Variants in HACE1 observed in about 807,000 individuals in gnomAD.
HACE1 encodes the protein E3 ubiquitin-protein ligase HACE1.
In HACE1, 73 loss-of-function variants were observed where a neutral mutation model predicts 118.4. That is an observed-to-expected ratio of 0.62 (90% CI 0.51 to 0.75). The LOEUF (loss-of-function observed/expected upper bound fraction) is 0.75. Among genes scored for constraint, HACE1 ranks in the 30% least tolerant of loss-of-function variants. The pLI is 0.00. For synonymous variants in HACE1, 368 were observed against 374.8 expected, an observed-to-expected ratio of 0.98 and a Z score of 0.21; for missense variants, 749 against 1,102.2, an observed-to-expected ratio of 0.68 and a Z score of 4.54.
intron 14 of HACE1, among the ~76,000 whole-genome samples, chr6:104,777,536 A>T (rs1319145922): frequency 1.3e-5 from 2 of 152,182 alleles, no homozygotes; most frequent in African/African-American, 2.4e-5. Context: ...GTATTTTTTT[A>T]AATTCCTACA....
At chr6:104,847,570 C>G (rs1173939337) in intron 4 of HACE1, among the ~76,000 whole-genome samples, 1 of 152,168 alleles carries the variant, frequency 6.6e-6, no homozygotes, top group Non-Finnish European at 1.5e-5. Flanking sequence ...ATGCCCTTCC[C>G]CTGTCCAACC....
chr6:104,790,880 T>G (rs1782957388), intron 11 of HACE1, among the ~76,000 whole-genome samples: 1 of 151,848 alleles, frequency 6.6e-6, no homozygotes, highest in South Asian at 2.1e-4. Context: ...CTATTCATTT[T>G]GTTTACTTCA....
chr6:104,820,405 A>T (rs1324062972), intron 6 of HACE1, among the ~76,000 whole-genome samples: 1 of 152,118 alleles, frequency 6.6e-6, no homozygotes, highest in Non-Finnish European at 1.5e-5. Context: ...TGAACAGAAA[A>T]CCTACAGAAC....
chr6:104,790,160 T>G (rs1392281546), intron 11 of HACE1, among the ~76,000 whole-genome samples: 1 of 152,116 alleles, frequency 6.6e-6, no homozygotes, highest in Non-Finnish European at 1.5e-5. Flanking sequence ...ACTGATTTTT[T>G]TAAAGAGAGT....
intron 1 of HACE1, chr6:104,859,270 T>C (rs1777060632): frequency 5.2e-6 from 2 of 386,350 alleles, no homozygotes; most frequent in East Asian, 5.3e-5. Context: ...CGGCTGGTAT[T>C]CCTGCCCCTT....
intron 4 of HACE1, among the ~76,000 whole-genome samples, chr6:104,844,124 G>A (rs1352518755): frequency 5.0e-5 from 7 of 139,574 alleles, no homozygotes; most frequent in Non-Finnish European, 1.1e-4. Context: ...TGCAACCTCC[G>A]CCTCCCAGGT....
chr6:104,783,686 A>C (rs1168021876), intron 14 of HACE1, among the ~76,000 whole-genome samples: 1 of 152,230 alleles, frequency 6.6e-6, no homozygotes, highest in Non-Finnish European at 1.5e-5. Flanking sequence ...TAACAAAGCT[A>C]AATCACTATT....
At chr6:104,791,784 C>A (rs886673552) in intron 10 of HACE1, 130 bp from the exon 11 acceptor site, 2 of 647,448 alleles carry the variant, frequency 3.1e-6, no homozygotes, top group Non-Finnish European at 2.7e-6. Flanking sequence ...AATTCCTTTC[C>A]TATCATGATA....
chr6:104,762,615 G>T (rs933135188), intron 19 of HACE1, among the ~76,000 whole-genome samples: 6 of 152,044 alleles, frequency 3.9e-5, no homozygotes, highest in Non-Finnish European at 8.8e-5. Context: ...GGTTTCATGG[G>T]TGCCACAAAC....
At chr6:104,804,768 T>C (rs746382977) in intron 7 of HACE1, among the ~76,000 whole-genome samples, 1 of 152,132 alleles carries the variant, frequency 6.6e-6, no homozygotes, top group African/African-American at 2.4e-5. Flanking sequence ...GAAGAAAACC[T>C]AGGCAGTACC....
chr6:104,780,368 T>C (rs1398141915), intron 14 of HACE1: 2 of 452,462 alleles, frequency 4.4e-6, no homozygotes, highest in Admixed American at 4.9e-5. Flanking sequence ...TTTCCATAAA[T>C]AATTCACAAA....
intron 6 of HACE1, among the ~76,000 whole-genome samples, chr6:104,823,759 A>T (rs1351152346): frequency 7.2e-6 from 1 of 139,844 alleles, no homozygotes; most frequent in African/African-American, 2.8e-5. Context: ...TTTGTGAATT[A>T]AAAAAAAAAA....
intron 20 of HACE1, among the ~76,000 whole-genome samples, chr6:104,745,120 T>C (rs916979265): frequency 9.2e-5 from 14 of 152,152 alleles, no homozygotes; most frequent in Admixed American, 9.2e-4. Flanking sequence ...TAAAAAAGAT[T>C]TAGGCCTTTT....
At chr6:104,803,634 T>G (rs945650005) in intron 7 of HACE1, among the ~76,000 whole-genome samples, 1 of 152,208 alleles carries the variant, frequency 6.6e-6, no homozygotes, top group African/African-American at 2.4e-5. Flanking sequence ...TCTCAATAGA[T>G]GCAGAAAAGG....
intron 6 of HACE1, among the ~76,000 whole-genome samples, chr6:104,818,399 G>T (rs1241241543): frequency 6.6e-6 from 1 of 151,940 alleles, no homozygotes; most frequent in Non-Finnish European, 1.5e-5. Context: ...CAGAAAATAA[G>T]CCTGCCAACC....
intron 5 of HACE1, among the ~76,000 whole-genome samples, chr6:104,842,760 T>C (rs189733002): frequency 6.6e-6 from 1 of 152,170 alleles, no homozygotes; most frequent in African/African-American, 2.4e-5. Flanking sequence ...CCATAACTTA[T>C]CTTAATATAG....
chr6:104,755,596 C>T (rs555886575), intron 19 of HACE1, among the ~76,000 whole-genome samples: 70 of 152,302 alleles, frequency 4.6e-4, no homozygotes, highest in African/African-American at 1.6e-3. Context: ...GACCACAGCA[C>T]AATCAAATTA....
chr6:104,751,365 T>C (rs1272289773), intron 19 of HACE1, among the ~76,000 whole-genome samples: 1 of 152,258 alleles, frequency 6.6e-6, no homozygotes, highest in African/African-American at 2.4e-5. Context: ...AAAATCATTC[T>C]TTGTAGCATA....
chr6:104,732,863 T>G (rs1775366133), intron 22 of HACE1, among the ~76,000 whole-genome samples: 1 of 152,220 alleles, frequency 6.6e-6, no homozygotes, highest in Non-Finnish European at 1.5e-5. Flanking sequence ...TCGTCTGGTT[T>G]GGTTTACTGA....
Sources: allele counts gnomAD v4.1 joint callset (sites outside exome capture counted in the v4.1 genomes callset), GRCh38; gene constraint gnomAD v4.1.1; transcripts MANE v1.5; gene names NCBI Gene and HGNC (gene_info 2026-07-23, HGNC 2026-07-21).